The following CFAP45 variants were observed in gnomAD, a reference collection of about 807,000 sequenced individuals.
CFAP45 encodes cilia- and flagella-associated protein 45.
CFAP45 carries 43 observed loss-of-function variants against 75.6 expected under a neutral mutation model. The observed-to-expected ratio is 0.57, with a 90% confidence interval of 0.45 to 0.73. The LOEUF (loss-of-function observed/expected upper bound fraction) is 0.73, where lower values mean the gene tolerates loss of function less well. Among genes scored for constraint, CFAP45 ranks in the 30% least tolerant of loss-of-function variants. The pLI, the probability that CFAP45 is intolerant of heterozygous loss-of-function variation, is 0.00. For missense variants in CFAP45, 689 were observed against 701.5 expected, an observed-to-expected ratio of 0.98 and a Z score of 0.20; for synonymous variants, 223 against 244.6, an observed-to-expected ratio of 0.91 and a Z score of 0.82.
Position 159,873,138 on chromosome 1 carries a change from C to A in CFAP45, c.1383G>T (p.Arg461=), listed in dbSNP as rs1571176954. Residue 461 remains arginine, a synonymous_variant, in exon 11 of 12, where the codon CGG becomes CGT. Transcript: ENST00000368099. The part of the protein sequence containing the change: ...RAQREQIEKE[R]LEEEKKATGR... Reference sequence around the variant, plus strand: ...CTGTGGCCTTTTTCTCCTCCTCCAGCCGCTCCTTCTCAATCTGTTCTCTCT... The same window carrying A: ...CTGTGGCCTTTTTCTCCTCCTCCAGACGCTCCTTCTCAATCTGTTCTCTCT... 3.1e-6 allele frequency: 5 copies of A among 1,613,980 alleles called. No homozygotes were observed. Among genetic ancestry groups the A allele is most frequent in the South Asian group, 2.2e-5 (2 of 91,086 alleles).
At chr1:159,889,474 G>A (rs1326318871) in intron 3 of CFAP45, among the ~76,000 whole-genome samples, 2 of 152,188 alleles carry the variant, frequency 1.3e-5, no homozygotes, top group Non-Finnish European at 2.9e-5. Context: ...CCAAGATCTT[G>A]TGTTTCACAA....
chr1:159,897,989 C>T (rs1256019402), intron 1 of CFAP45: 2 of 453,644 alleles, frequency 4.4e-6, no homozygotes, highest in Admixed American at 1.3e-4. Flanking sequence ...TGAAGTTTCC[C>T]TGATGTAACT....
Position 159,893,271 on chromosome 1 carries a change from G to C in CFAP45, c.38C>G (p.Ser13Cys). Residue 13 changes from serine to cysteine, a missense_variant, in exon 2 of 12, where the codon TCT becomes TGT. Ser to Cys is a moderately radical substitution (Grantham distance 112). Transcript: ENST00000368099. Reference sequence around the variant, plus strand: ...ATTCCTTGACCTGTTGGAAGCGGCAGAAGAGGAGCTCAGGATGCCAGCTGT... The same window carrying C: ...ATTCCTTGACCTGTTGGAAGCGGCACAAGAGGAGCTCAGGATGCCAGCTGT... ...LSTAGILSSS[S>C]AASNRSRNKA... 1 of 1,613,772 alleles carries C rather than the reference G, an allele frequency of 6.2e-7. No individual in the cohort carries two copies. The highest frequency in any genetic ancestry group is 8.5e-7 in the Non-Finnish European group (1 of 1,179,946).
At chr1:159,883,662 A>C (rs1012861754) in intron 7 of CFAP45, among the ~76,000 whole-genome samples, 1 of 150,472 alleles carries the variant, frequency 6.6e-6, no homozygotes, top group African/African-American at 2.4e-5. Flanking sequence ...ATACACACAC[A>C]CCTAGAAAGA....
intron 11 of CFAP45, 73 bp downstream of exon 11, chr1:159,872,871 T>C: frequency 6.9e-7 from 1 of 1,454,792 alleles, no homozygotes; most frequent in Non-Finnish European, 9.6e-7. Context: ...CAAATCCCCA[T>C]GCTTTCCAGC....
intron 1 of CFAP45, among the ~76,000 whole-genome samples, chr1:159,895,267 G>T (rs61823218): frequency 6.6e-6 from 1 of 152,142 alleles, no homozygotes; most frequent in South Asian, 2.1e-4. Flanking sequence ...GAGCCCACAT[G>T]CCCCACACCT....
At chr1:159,872,701 C>A in intron 11 of CFAP45, 138 bp from the exon 12 acceptor site, 1 of 827,882 alleles carries the variant, frequency 1.2e-6, no homozygotes, top group Non-Finnish European at 2.0e-6. Context: ...ACCCCCGAAA[C>A]ACACATTCAT....
Position 159,877,358 on chromosome 1 carries a change from C to CTGG in CFAP45, c.1146_1148dup (p.Tyr382_Gln383insHis). 6.2e-7 allele frequency: 1 copy of CTGG among 1,609,780 alleles called. No individual in the cohort carries two copies. Among genetic ancestry groups the CTGG allele is most frequent in the South Asian group, 1.1e-5 (1 of 90,990 alleles). On this transcript the variant is annotated inframe_insertion, in exon 9 of 12. Coordinates refer to ENST00000368099, the MANE Select transcript of CFAP45 (RefSeq NM_012337.3). ...GAGACTAAGCAGGTACCTGTTCTGC[C>CTGG]TGGTAATCCTGGGCCTTCTCCTGCA...
At chr1:159,894,149 GT>G (rs1649894920) in intron 1 of CFAP45, among the ~76,000 whole-genome samples, 1 of 152,236 alleles carries the variant, frequency 6.6e-6, no homozygotes, top group Non-Finnish European at 1.5e-5. Flanking sequence ...TTTTTGTGGG[GT>G]TTTTTTAAGA....
At chr1:159,878,769 A>AAAAAAAAAAAAAAAAAAAC (rs1481638299) in intron 8 of CFAP45, among the ~76,000 whole-genome samples, 3 of 141,868 alleles carry the variant, frequency 2.1e-5, no homozygotes, top group Non-Finnish European at 4.6e-5. Context: ...AAAAAAAAAA[A>AAAAAAAAAAAAAAAAAAAC]AAAAAAAAAA....
intron 3 of CFAP45, among the ~76,000 whole-genome samples, 191 bp from the exon 4 acceptor site, chr1:159,888,687 G>T (rs1168070684): frequency 6.6e-6 from 1 of 152,126 alleles, no homozygotes; most frequent in African/African-American, 2.4e-5. Flanking sequence ...AGCATTGAAG[G>T]CTAAAAAGAG....
intron 2 of CFAP45, among the ~76,000 whole-genome samples, chr1:159,891,661 G>A (rs573934204): frequency 6.6e-6 from 1 of 152,234 alleles, no homozygotes; most frequent in East Asian, 1.9e-4. Flanking sequence ...GAGGCAGGGG[G>A]ATGGCCCCAC....
chr1:159,888,588 C>G (rs1649751429), intron 3 of CFAP45, 92 bp from the exon 4 acceptor site: 3 of 1,238,410 alleles, frequency 2.4e-6, no homozygotes, highest in Non-Finnish European at 3.4e-6. Context: ...CTCTTCCCAT[C>G]ATGCCAGTGG....
chr1:159,888,118 T>G, intron 4 of CFAP45, 107 bp from the exon 5 acceptor site: 1 of 1,323,242 alleles, frequency 7.6e-7, no homozygotes, highest in Non-Finnish European at 1.0e-6. Context: ...CCTTGGCCAG[T>G]GATGATGTCA....
chr1:159,878,753 T>TAA lies in CFAP45; in HGVS notation c.1045-1293_1045-1292dup, dbSNP rs539116292. Among the ~76,000 whole-genome samples the TAA allele has an allele frequency of 1.5e-3, 48 of 32,486 alleles. 4 individuals are homozygous for TAA. Among genetic ancestry groups the TAA allele is most frequent in the South Asian group, 8.1e-3 (3 of 370 alleles). 21.3% of individuals were successfully genotyped at this position (32,486 alleles called of 152,430 possible). On this transcript the variant is annotated intron_variant, in intron 8 of 11. Coordinates refer to ENST00000368099, the MANE Select transcript of CFAP45 (RefSeq NM_012337.3). The stretch of plus-strand genomic sequence containing the variant: ...CCTAGTGACAGAGCAAGACTACATC[T>TAA]AAAAAAAAAAAAAAAAAAAAAAAAA...
In CFAP45 at chr1:159,880,644, G is replaced by T; in HGVS notation, c.954C>A (p.Ile318=). Residue 318 remains isoleucine (I), a synonymous_variant, in exon 8 of 12, where the codon ATC becomes ATA. Coordinates refer to ENST00000368099, the MANE Select transcript of CFAP45 (RefSeq NM_012337.3). ...KLKMQAEIKR[I]NDENQKQKAE... is the part of the protein sequence containing the mutation. ...CTTTCTGTTTCTGGTTTTCATCATT[G>T]ATGCGCTTAATCTCAGCTTGCATCT... 1 of 1,613,886 alleles carries T rather than the reference G, an allele frequency of 6.2e-7. No individual in the cohort carries two copies. Among genetic ancestry groups the T allele is most frequent in the African/African-American group, 1.3e-5 (1 of 74,990 alleles).
chr1:159,889,604 T>A (rs1400435573), intron 3 of CFAP45, among the ~76,000 whole-genome samples: 2 of 152,214 alleles, frequency 1.3e-5, no homozygotes, highest in Non-Finnish European at 2.9e-5. Flanking sequence ...TCCTCCAACG[T>A]GTTTTCAGGA....
In CFAP45 at chr1:159,900,137, C is replaced by T. The variant is rs779342917; in HGVS notation, c.-39G>A. 3.7e-6 allele frequency: 6 copies of T among 1,613,912 alleles called. No homozygotes were observed. In the African/African-American group the frequency reaches 4.0e-5, roughly 11 times the overall value. The stretch of plus-strand genomic sequence containing the variant: ...CGCCCTGACTCCGGACTTCTGCTGC[C>T]GCCTCGGCGCCGCCAAGGCCCTAGT... On this transcript the variant is annotated 5_prime_UTR_variant, in exon 1 of 12. Coordinates refer to ENST00000368099, the MANE Select transcript of CFAP45 (RefSeq NM_012337.3).
At chr1:159,892,364 G>A (rs1162241325) in intron 2 of CFAP45, among the ~76,000 whole-genome samples, 1 of 152,148 alleles carries the variant, frequency 6.6e-6, no homozygotes, top group African/African-American at 2.4e-5. Context: ...GCTGCAGAGT[G>A]AGAGTCTTCT....
Sources: allele counts gnomAD v4.1 joint callset (sites outside exome capture counted in the v4.1 genomes callset), GRCh38; gene constraint gnomAD v4.1.1; transcripts MANE v1.5; gene names NCBI Gene and HGNC (gene_info 2026-07-23, HGNC 2026-07-21).